Variants in TMEM108 observed in about 807,000 individuals in gnomAD.
TMEM108 encodes the protein transmembrane protein 108.
TMEM108 carries 12 observed loss-of-function variants against 35.1 expected under a neutral mutation model. The observed-to-expected ratio is 0.34, with a 90% confidence interval of 0.22 to 0.55. The LOEUF is 0.55. Among genes scored for constraint, TMEM108 ranks in the 20% least tolerant of loss-of-function variants. The pLI, the probability that TMEM108 is intolerant of heterozygous loss-of-function variation, is 0.89. For synonymous variants in TMEM108, 287 were observed against 308.6 expected (o/e 0.93, Z 0.73); for missense variants, 680 against 753.3 (o/e 0.90, Z 1.14).
At chr3:133,184,375 A>G (rs1945390609) in intron 2 of TMEM108, among the ~76,000 whole-genome samples, 1 of 152,200 alleles carries the variant, frequency 6.6e-6, no homozygotes, top group Non-Finnish European at 1.5e-5. Flanking sequence ...TTTTCCAATT[A>G]GAGTTTTGCT....
At chr3:133,373,152 A>G (rs1451208550) in intron 3 of TMEM108, among the ~76,000 whole-genome samples, 5 of 152,086 alleles carry the variant, frequency 3.3e-5, no homozygotes, top group Non-Finnish European at 7.4e-5. Context: ...AGATTGCTTG[A>G]ACCCAGGAGG....
At chr3:133,172,607 A>T (rs1040941253) in intron 2 of TMEM108, among the ~76,000 whole-genome samples, 1 of 152,222 alleles carries the variant, frequency 6.6e-6, no homozygotes, top group African/African-American at 2.4e-5. Flanking sequence ...AACTATGCTT[A>T]CAGAAATACA....
At chr3:133,258,645 C>G (rs1946581494) in intron 3 of TMEM108, among the ~76,000 whole-genome samples, 1 of 152,328 alleles carries the variant, frequency 6.6e-6, no homozygotes, top group Non-Finnish European at 1.5e-5. Context: ...GGCATCACCA[C>G]TGCCTCATAC....
intron 2 of TMEM108, among the ~76,000 whole-genome samples, chr3:133,199,055 A>G (rs372664280): frequency 7.9e-4 from 120 of 152,240 alleles, no homozygotes; most frequent in African/African-American, 2.8e-3. Flanking sequence ...AATCACTGAT[A>G]CCCTTTCTTC....
chr3:133,109,839 G>A (rs750168401), intron 2 of TMEM108, among the ~76,000 whole-genome samples: 31 of 152,268 alleles, frequency 2.0e-4, no homozygotes, highest in Non-Finnish European at 3.7e-4. Flanking sequence ...TATTCTTAAC[G>A]TTATGCAGGG....
At chr3:133,311,881 A>G (rs1225427175) in intron 3 of TMEM108, among the ~76,000 whole-genome samples, 1 of 152,196 alleles carries the variant, frequency 6.6e-6, no homozygotes, top group East Asian at 1.9e-4. Flanking sequence ...ATGGTGACCT[A>G]CAGATGGGGT....
chr3:133,182,053 T>C (rs1945353536), intron 2 of TMEM108, among the ~76,000 whole-genome samples: 1 of 152,242 alleles, frequency 6.6e-6, no homozygotes, highest in Admixed American at 6.5e-5. Context: ...TCTCATAGTC[T>C]GCCCTGTAGA....
intron 3 of TMEM108, among the ~76,000 whole-genome samples, chr3:133,322,239 G>A (rs1275815981): frequency 6.6e-6 from 1 of 152,028 alleles, no homozygotes; most frequent in Admixed American, 6.6e-5. Context: ...AAACAAGCTG[G>A]TTCTTTGAAA....
At chr3:133,174,486 A>T (rs1396574039) in intron 2 of TMEM108, among the ~76,000 whole-genome samples, 1 of 152,220 alleles carries the variant, frequency 6.6e-6, no homozygotes, top group Non-Finnish European at 1.5e-5. Flanking sequence ...AAACTTCCAG[A>T]GGAACGATCA....
chr3:133,050,729 C>T (rs902196424), intron 2 of TMEM108, among the ~76,000 whole-genome samples: 2 of 151,830 alleles, frequency 1.3e-5, no homozygotes, highest in East Asian at 1.9e-4. Flanking sequence ...TTACTATCTC[C>T]ATAGTTTTGC....
intron 3 of TMEM108, among the ~76,000 whole-genome samples, chr3:133,239,782 T>C (rs1946287897): frequency 6.6e-6 from 1 of 152,218 alleles, no homozygotes; most frequent in Non-Finnish European, 1.5e-5. Flanking sequence ...TTAGCTTCCC[T>C]ACCTCACTTG....
At chr3:133,084,479 A>G (rs1458261015) in intron 2 of TMEM108, among the ~76,000 whole-genome samples, 2 of 152,194 alleles carry the variant, frequency 1.3e-5, no homozygotes, top group Non-Finnish European at 2.9e-5. Flanking sequence ...GGTTCTATCT[A>G]AAGATAGTTC....
chr3:133,157,208 T>G (rs1180175589), intron 2 of TMEM108, among the ~76,000 whole-genome samples: 1 of 152,250 alleles, frequency 6.6e-6, no homozygotes, highest in Non-Finnish European at 1.5e-5. Flanking sequence ...AAAAAAGATG[T>G]TGGCCTCAAC....
chr3:133,228,184 C>A (rs1946101770), intron 2 of TMEM108, among the ~76,000 whole-genome samples: 1 of 112,872 alleles, frequency 8.9e-6, no homozygotes. Context: ...TGAGTTATAT[C>A]TCAGTAAAAA....
chr3:133,209,560 A>G (rs909206918), intron 2 of TMEM108, among the ~76,000 whole-genome samples: 2 of 152,036 alleles, frequency 1.3e-5, no homozygotes, highest in Middle Eastern at 3.4e-3. Context: ...AAGTTGTGGC[A>G]CTCAGTATTT....
At chr3:133,159,995 G>A (rs1261464271) in intron 2 of TMEM108, among the ~76,000 whole-genome samples, 2 of 152,328 alleles carry the variant, frequency 1.3e-5, no homozygotes, top group East Asian at 3.9e-4. Flanking sequence ...GAAGCATGGG[G>A]AGAGGCCAGA....
chr3:133,374,464 G>T (rs1324271806), intron 3 of TMEM108, among the ~76,000 whole-genome samples: 1 of 151,704 alleles, frequency 6.6e-6, no homozygotes, highest in Non-Finnish European at 1.5e-5. Flanking sequence ...AATTTTCTGT[G>T]TAACAAATAT....
At position 133,309,016 on chromosome 3, in the gene TMEM108, T is replaced by C. The variant is rs574742674; in HGVS notation, c.41-70736T>C. ...TGGACTGTTTTTGGTTGGTGGGCTA[T>C]TAATTATTGCCTCAATTTCAGAGCC... On this transcript the variant is annotated intron_variant, in intron 3 of 5. Transcript: ENST00000321871. Among the ~76,000 whole-genome samples the C allele has an allele frequency of 3.3e-5, 5 of 152,346 alleles. No homozygotes were observed. The South Asian group carries it at 1.0e-3, about 32-fold the overall frequency.
intron 2 of TMEM108, among the ~76,000 whole-genome samples, chr3:133,153,124 A>G (rs1481715511): frequency 6.6e-6 from 1 of 152,066 alleles, no homozygotes; most frequent in Non-Finnish European, 1.5e-5. Context: ...GTCAAACACC[A>G]TTCTAAATAA....
Sources: gnomAD v4.1 joint callset for allele counts (sites outside exome capture counted in the v4.1 genomes callset) on GRCh38, gnomAD v4.1.1 for gene constraint, MANE v1.5 for transcripts, NCBI Gene and HGNC (gene_info 2026-07-23, HGNC 2026-07-21) for gene names.